The following PCDH9 variants were observed in gnomAD, a reference collection of about 807,000 sequenced individuals.
PCDH9 encodes protocadherin-9.
A neutral mutation model predicts 70.6 loss-of-function variants in PCDH9; 24 were observed. That is an observed-to-expected ratio of 0.34 (90% CI 0.25 to 0.48). PCDH9 has a LOEUF of 0.48. Ranked by LOEUF, PCDH9 falls within the 20% of genes least tolerant of loss-of-function variation. The pLI, the probability that PCDH9 is intolerant of heterozygous loss-of-function variation, is 0.99. For missense variants in PCDH9, 1,281 were observed against 1,503.6 expected, an observed-to-expected ratio of 0.85 and a Z score of 2.45; for synonymous variants, 562 against 558.5, an observed-to-expected ratio of 1.01 and a Z score of -0.09.
intron 4 of PCDH9, among the ~76,000 whole-genome samples, chr13:66,543,962 G>A (rs1217747091): frequency 6.6e-6 from 1 of 152,138 alleles, no homozygotes; most frequent in East Asian, 1.9e-4. Context: ...CATCTACTGA[G>A]TCTGAACAGC....
At chr13:67,068,319 T>C (rs2085692098) in intron 2 of PCDH9, among the ~76,000 whole-genome samples, 2 of 151,888 alleles carry the variant, frequency 1.3e-5, no homozygotes, top group Non-Finnish European at 2.9e-5. Context: ...TAAAAGTTCA[T>C]TTTTTCAAAA....
chr13:67,074,378 A>G (rs2085835774), intron 2 of PCDH9, among the ~76,000 whole-genome samples: 1 of 152,136 alleles, frequency 6.6e-6, no homozygotes, highest in Non-Finnish European at 1.5e-5. Flanking sequence ...TGAATCTGTC[A>G]GCATGTTGAT....
Position 67,000,973 on chromosome 13 carries a change from T to C in PCDH9, c.3037-97368A>G, listed in dbSNP as rs1290440180. Reference sequence around the variant, plus strand: ...ATTTATCAAATACGTACTATGGGCCTGTCAGTTTTCTAAGTATTTATTTAC... The same window carrying C: ...ATTTATCAAATACGTACTATGGGCCCGTCAGTTTTCTAAGTATTTATTTAC... On this transcript the variant is annotated intron_variant, in intron 2 of 4. Coordinates refer to ENST00000377865, the MANE Select transcript of PCDH9 (RefSeq NM_203487.3). Among the ~76,000 whole-genome samples the C allele has an allele frequency of 2.0e-5, 3 of 152,344 alleles. No homozygotes were observed. In the East Asian group the frequency reaches 5.8e-4, roughly 29 times the overall value.
rs137911562 is a variant in PCDH9, at chr13:66,397,396, G to A, written c.3341-92368C>T. The stretch of plus-strand genomic sequence containing the variant: ...TTCATACCACTGCACCCCAGCCTGG[G>A]TGACAGAGTGAGACTCTGTCGATAT... On this transcript the variant is annotated intron_variant, in intron 4 of 4. Transcript: ENST00000377865. 2.0e-3 allele frequency among the ~76,000 whole-genome samples: 302 copies of A among 151,986 alleles called. 1 individual carries two copies. Among genetic ancestry groups the A allele is most frequent in the Non-Finnish European group, 3.3e-3 (225 of 67,966 alleles).
chr13:66,773,497 G>A (rs1326350138), intron 3 of PCDH9, among the ~76,000 whole-genome samples: 1 of 151,358 alleles, frequency 6.6e-6, no homozygotes, highest in Non-Finnish European at 1.5e-5. Flanking sequence ...CGGGCGTGGT[G>A]GCGGGCGCCT....
chr13:66,319,517 G>A lies in PCDH9; in HGVS notation c.3341-14489C>T, dbSNP rs368093540. Among the ~76,000 whole-genome samples the A allele has an allele frequency of 6.2e-4, 94 of 152,024 alleles. 2 individuals carry two copies. The South Asian group carries it at 0.019, about 31-fold the overall frequency. ...TCAGTGTGCTGGCATAAAAGAAATG[G>A]CACTCAAAGGTATTAATCGAAAAGA... On this transcript the variant is annotated intron_variant, in intron 4 of 4. Coordinates refer to ENST00000377865, the MANE Select transcript of PCDH9 (RefSeq NM_203487.3).
intron 3 of PCDH9, among the ~76,000 whole-genome samples, chr13:66,685,139 G>T (rs753392459): frequency 6.6e-6 from 1 of 152,172 alleles, no homozygotes; most frequent in African/African-American, 2.4e-5. Context: ...TGTCTCCAGG[G>T]CATGTCAGAG....
At chr13:66,986,871 C>A (rs1417651023) in intron 2 of PCDH9, among the ~76,000 whole-genome samples, 1 of 151,042 alleles carries the variant, frequency 6.6e-6, no homozygotes, top group Non-Finnish European at 1.5e-5. Flanking sequence ...GAAAAATGAA[C>A]CACAGAGAAT....
intron 2 of PCDH9, among the ~76,000 whole-genome samples, chr13:67,083,229 G>A (rs561226525): frequency 4.3e-4 from 65 of 152,092 alleles, no homozygotes; most frequent in African/African-American, 1.5e-3. Flanking sequence ...TATTTTCTCT[G>A]TTGAATTCAA....
At chr13:66,689,556 T>C (rs1329915803) in intron 3 of PCDH9, among the ~76,000 whole-genome samples, 1 of 152,196 alleles carries the variant, frequency 6.6e-6, no homozygotes, top group Non-Finnish European at 1.5e-5. Flanking sequence ...GAGTTTATTA[T>C]GCTTGATTGC....
intron 4 of PCDH9, among the ~76,000 whole-genome samples, chr13:66,517,149 A>G (rs1208109239): frequency 2.0e-5 from 3 of 152,142 alleles, no homozygotes; most frequent in African/African-American, 7.2e-5. Flanking sequence ...TAATTTATAT[A>G]AAGTTGCTTT....
chr13:67,081,738 T>C (rs1169118390), intron 2 of PCDH9, among the ~76,000 whole-genome samples: 1 of 152,202 alleles, frequency 6.6e-6, no homozygotes, highest in Non-Finnish European at 1.5e-5. Flanking sequence ...TCTAAAATGT[T>C]AAAATCCTGT....
chr13:66,388,347 T>A (rs570117366), intron 4 of PCDH9, among the ~76,000 whole-genome samples: 44 of 152,286 alleles, frequency 2.9e-4, no homozygotes, highest in African/African-American at 1.1e-3. Flanking sequence ...TGATTTTAGT[T>A]TTTTTCATTT....
intron 2 of PCDH9, among the ~76,000 whole-genome samples, chr13:67,000,724 G>C: frequency 6.6e-6 from 1 of 152,114 alleles, no homozygotes; most frequent in South Asian, 2.1e-4. Context: ...ATATTTCTTT[G>C]TGCAGTAAGA....
At chr13:66,886,004 G>GTGTC (rs1401483030) in intron 3 of PCDH9, 1 of 152,004 alleles carries the variant, frequency 6.6e-6, no homozygotes, top group Non-Finnish European at 1.5e-5. Flanking sequence ...CATTAGTGAA[G>GTGTC]TGTCCTCAGC....
At chr13:66,654,131 G>A (rs1023953530) in intron 3 of PCDH9, among the ~76,000 whole-genome samples, 1 of 152,104 alleles carries the variant, frequency 6.6e-6, no homozygotes, top group Non-Finnish European at 1.5e-5. Flanking sequence ...ATATTACTCA[G>A]ATAAAAAAGA....
intron 2 of PCDH9, among the ~76,000 whole-genome samples, chr13:66,937,627 A>C (rs1455497222): frequency 6.6e-6 from 1 of 152,198 alleles, no homozygotes; most frequent in East Asian, 1.9e-4. Context: ...TAACAGTCAG[A>C]CAAAGTGGAA....
intron 4 of PCDH9, among the ~76,000 whole-genome samples, chr13:66,447,239 A>G (rs1333061191): frequency 6.6e-6 from 1 of 152,088 alleles, no homozygotes; most frequent in East Asian, 1.9e-4. Flanking sequence ...TCCTTTATCA[A>G]TTGAAGCATC....
intron 4 of PCDH9, among the ~76,000 whole-genome samples, chr13:66,531,123 T>G (rs1431508358): frequency 1.3e-5 from 2 of 152,046 alleles, no homozygotes; most frequent in African/African-American, 4.8e-5. Flanking sequence ...TTTTTTGTTT[T>G]AAATATTTTT....
Sources: allele counts gnomAD v4.1 joint callset (sites outside exome capture counted in the v4.1 genomes callset), GRCh38; gene constraint gnomAD v4.1.1; transcripts MANE v1.5; gene names NCBI Gene and HGNC (gene_info 2026-07-23, HGNC 2026-07-21).